GABRG2: variants seen among roughly 807,000 people sequenced by gnomAD.
GABRG2 encodes the protein gamma-aminobutyric acid type A receptor subunit gamma2.
A neutral mutation model predicts 56.4 loss-of-function variants in GABRG2; 16 were observed. The ratio of observed to expected loss-of-function variants is 0.28; its 90% CI spans 0.19 to 0.43. The LOEUF (loss-of-function observed/expected upper bound fraction) is 0.43, where lower values mean the gene tolerates loss of function less well. Ranked by LOEUF, GABRG2 falls within the 20% of genes least tolerant of loss-of-function variation. The probability of loss-of-function intolerance (pLI) is 1.00; values close to 1 mark genes in which losing one functional copy is unlikely to be tolerated. For synonymous variants in GABRG2, 208 were observed against 205.5 expected (o/e 1.01, Z -0.10); for missense variants, 327 against 582.7 (o/e 0.56, Z 4.52).
intron 6 of GABRG2, among the ~76,000 whole-genome samples, chr5:162,134,912 G>A (rs749866514): frequency 2.0e-5 from 3 of 152,098 alleles, no homozygotes; most frequent in Non-Finnish European, 4.4e-5. Context: ...GCCCTCGGTG[G>A]ATATTCAGAT....
intron 1 of GABRG2, among the ~76,000 whole-genome samples, chr5:162,087,897 C>T (rs1561639640): frequency 6.6e-6 from 1 of 152,048 alleles, no homozygotes; most frequent in Non-Finnish European, 1.5e-5. Context: ...TTCAGCCAAA[C>T]ACACCAACAG....
At chr5:162,138,056 T>A (rs1764271036) in intron 6 of GABRG2, among the ~76,000 whole-genome samples, 1 of 152,008 alleles carries the variant, frequency 6.6e-6, no homozygotes, top group African/African-American at 2.4e-5. Context: ...CACCGTGCCC[T>A]CACTGCAGTC....
chr5:162,089,929 AC>A (rs1760428469), intron 1 of GABRG2, among the ~76,000 whole-genome samples: 1 of 152,190 alleles, frequency 6.6e-6, no homozygotes, highest in Non-Finnish European at 1.5e-5. Flanking sequence ...ACTAATCTTC[AC>A]AATGGCAAAT....
intron 1 of GABRG2, among the ~76,000 whole-genome samples, chr5:162,079,728 G>C (rs983888535): frequency 6.6e-6 from 1 of 151,850 alleles, no homozygotes; most frequent in Non-Finnish European, 1.5e-5. Context: ...TCTGATACAA[G>C]GTAATTGTGT....
intron 6 of GABRG2, among the ~76,000 whole-genome samples, chr5:162,125,768 T>A (rs1763302258): frequency 6.6e-6 from 1 of 151,016 alleles, no homozygotes; most frequent in South Asian, 2.1e-4. Flanking sequence ...TTACACAGAG[T>A]AAGGAAGGAG....
At chr5:162,079,134 A>C (rs1204652756) in intron 1 of GABRG2, among the ~76,000 whole-genome samples, 1 of 151,984 alleles carries the variant, frequency 6.6e-6, no homozygotes, top group Non-Finnish European at 1.5e-5. Context: ...TTTTCCAGGT[A>C]CTCTTGTGGT....
intron 6 of GABRG2, among the ~76,000 whole-genome samples, chr5:162,120,954 T>C (rs138954780): frequency 2.6e-5 from 4 of 152,278 alleles, no homozygotes; most frequent in African/African-American, 4.8e-5. Flanking sequence ...TGAGCACATA[T>C]TGTATATAAA....
intron 7 of GABRG2, chr5:162,142,851 T>C (rs1764681090): frequency 6.2e-6 from 1 of 160,476 alleles, no homozygotes; most frequent in Non-Finnish European, 1.4e-5. Flanking sequence ...TATACATATG[T>C]AACAAACCTG....
intron 1 of GABRG2, among the ~76,000 whole-genome samples, chr5:162,076,861 C>T (rs747062243): frequency 6.6e-6 from 1 of 152,116 alleles, no homozygotes; most frequent in Non-Finnish European, 1.5e-5. Context: ...CAAAATTCAA[C>T]ATCATCTGTC....
upstream of GABRG2, chr5:162,067,706 G>A (rs965941764): frequency 5.0e-6 from 3 of 603,958 alleles, 1 homozygote; most frequent in Non-Finnish European, 8.8e-6. Flanking sequence ...ATTTGTCTCC[G>A]TATGAGTCTC....
chr5:162,070,735 A>G (rs1222510311), intron 1 of GABRG2, among the ~76,000 whole-genome samples: 1 of 152,006 alleles, frequency 6.6e-6, no homozygotes, highest in Non-Finnish European at 1.5e-5. Flanking sequence ...TTTTTGAAAC[A>G]TTCACATAGC....
chr5:162,082,852 C>A (rs1759773811), intron 1 of GABRG2, among the ~76,000 whole-genome samples: 2 of 151,564 alleles, frequency 1.3e-5, no homozygotes, highest in South Asian at 4.2e-4. Context: ...TTAAAGCGAA[C>A]AATAAAACCT....
chr5:162,110,824 C>A (rs1762199847), intron 6 of GABRG2, among the ~76,000 whole-genome samples: 1 of 151,984 alleles, frequency 6.6e-6, no homozygotes, highest in African/African-American at 2.4e-5. Flanking sequence ...TTAAAATAAA[C>A]CAGTGGATGA....
chr5:162,109,308 G>A (rs1581376417), intron 6 of GABRG2, among the ~76,000 whole-genome samples: 1 of 150,154 alleles, frequency 6.7e-6, no homozygotes, highest in African/African-American at 2.5e-5. Context: ...GAGTTAATGG[G>A]TGCAGCACAC....
In GABRG2 at chr5:162,121,148, C is replaced by T. The variant is rs558808935; in HGVS notation, c.769+17122C>T. 5.9e-5 allele frequency among the ~76,000 whole-genome samples: 9 copies of T among 152,186 alleles called. No individual in the cohort carries two copies. The South Asian group carries it at 1.5e-3, about 25-fold the overall frequency. ...TGTGGCAATTTGAAGAGTAGATGCT[C>T]GTGAGTCATTCCATTGCATGTCCAC... On this transcript the variant is annotated intron_variant, in intron 6 of 9. Transcript: ENST00000639213.
At chr5:162,076,234 G>A (rs1759095306) in intron 1 of GABRG2, among the ~76,000 whole-genome samples, 2 of 152,122 alleles carry the variant, frequency 1.3e-5, no homozygotes, top group South Asian at 4.1e-4. Flanking sequence ...CACATAGTTA[G>A]TGACCTTTAC....
intron 6 of GABRG2, among the ~76,000 whole-genome samples, chr5:162,114,050 C>T (rs1762439691): frequency 6.6e-6 from 1 of 152,170 alleles, no homozygotes; most frequent in Admixed American, 6.6e-5. Context: ...TTAGGATGGA[C>T]AGAGTTAAAT....
intron 9 of GABRG2, 101 bp from the exon 10 acceptor site, chr5:162,152,992 A>G: frequency 1.4e-6 from 2 of 1,396,150 alleles, no homozygotes; most frequent in Non-Finnish European, 2.0e-6. Flanking sequence ...CTGAGTACCC[A>G]TTTTCAGATT....
chr5:162,152,957 T>G, intron 9 of GABRG2, 136 bp from the exon 10 acceptor site: 1 of 1,034,478 alleles, frequency 9.7e-7, no homozygotes. Context: ...TTTACCATTG[T>G]AGATCATGAT....
Sources: allele counts gnomAD v4.1 joint callset (sites outside exome capture counted in the v4.1 genomes callset), GRCh38; gene constraint gnomAD v4.1.1; transcripts MANE v1.5; gene names NCBI Gene and HGNC (gene_info 2026-07-23, HGNC 2026-07-21).